The following CLASP2 variants were observed in gnomAD, a reference collection of about 807,000 sequenced individuals.
CLASP2 encodes CLIP-associating protein 2.
In CLASP2, 47 loss-of-function variants were observed where a neutral mutation model predicts 194.4. The ratio of observed to expected loss-of-function variants is 0.24; its 90% CI spans 0.19 to 0.31. The LOEUF (loss-of-function observed/expected upper bound fraction) is 0.31, where lower values mean the gene tolerates loss of function less well. CLASP2 is among the 10% of genes least tolerant of loss of function. CLASP2 has a pLI of 1.00. For synonymous variants in CLASP2, 619 were observed against 633.5 expected (o/e 0.98, Z 0.34); for missense variants, 1,445 against 1,823.6 (o/e 0.79, Z 3.78).
chr3:33,577,416 A>G (rs2065135846), intron 23 of CLASP2, among the ~76,000 whole-genome samples: 1 of 152,234 alleles, frequency 6.6e-6, no homozygotes, highest in Non-Finnish European at 1.5e-5. Context: ...ATGGAACATT[A>G]GCATTGCACC....
intron 36 of CLASP2, among the ~76,000 whole-genome samples, chr3:33,512,838 A>G (rs1410107542): frequency 6.6e-6 from 1 of 151,956 alleles, no homozygotes; most frequent in Non-Finnish European, 1.5e-5. Flanking sequence ...AAATAGAAAA[A>G]AATTAGCATG....
chr3:33,553,559 G>A (rs1391276440), intron 29 of CLASP2, among the ~76,000 whole-genome samples: 1 of 152,154 alleles, frequency 6.6e-6, no homozygotes, highest in East Asian at 1.9e-4. Context: ...ATAGACATTT[G>A]TCAAAGAAAG....
intron 6 of CLASP2, among the ~76,000 whole-genome samples, chr3:33,672,440 T>A (rs960464435): frequency 2.0e-5 from 3 of 152,100 alleles, no homozygotes; most frequent in African/African-American, 7.2e-5. Flanking sequence ...CAAAAACCCA[T>A]CTGTACATCA....
intron 34 of CLASP2, among the ~76,000 whole-genome samples, chr3:33,529,982 C>G: frequency 2.4e-5 from 1 of 42,136 alleles, no homozygotes; most frequent in Non-Finnish European, 4.3e-5. Context: ...GAGACTCCGT[C>G]TCAAAAAAAA....
chr3:33,627,803 C>T (rs1449647496), intron 9 of CLASP2, among the ~76,000 whole-genome samples: 1 of 152,128 alleles, frequency 6.6e-6, no homozygotes, highest in Non-Finnish European at 1.5e-5. Context: ...TGAGGAAAGT[C>T]AAGCTTGAGC....
intron 32 of CLASP2, among the ~76,000 whole-genome samples, chr3:33,542,912 G>A (rs1317920491): frequency 6.6e-6 from 1 of 152,100 alleles, no homozygotes; most frequent in Non-Finnish European, 1.5e-5. Context: ...TAAAAAGGCT[G>A]TCAGGTTTTC....
chr3:33,501,878 G>A, intron 37 of CLASP2, 110 bp from the exon 38 acceptor site: 1 of 715,902 alleles, frequency 1.4e-6, no homozygotes, highest in Non-Finnish European at 2.4e-6. Context: ...GCATACTAAG[G>A]AGAGAAAAGT....
At chr3:33,500,618 G>A (rs556319541) in intron 38 of CLASP2, among the ~76,000 whole-genome samples, 56 of 152,118 alleles carry the variant, frequency 3.7e-4, no homozygotes, top group African/African-American at 1.3e-3. Flanking sequence ...TTTTTCTTAA[G>A]ATGAGATTTT....
chr3:33,616,891 T>C (rs1377256578), intron 12 of CLASP2, among the ~76,000 whole-genome samples: 2 of 151,476 alleles, frequency 1.3e-5, no homozygotes, highest in Non-Finnish European at 2.9e-5. Flanking sequence ...GCATGCACCA[T>C]CACGCCCAGC....
At chr3:33,507,875 C>A (rs1182512843) in intron 37 of CLASP2, among the ~76,000 whole-genome samples, 1 of 151,866 alleles carries the variant, frequency 6.6e-6, no homozygotes, top group Non-Finnish European at 1.5e-5. Flanking sequence ...CATTATATAC[C>A]CTGCCGCAAC....
Position 33,514,939 on chromosome 3 carries a change from C to T in CLASP2, c.4110+1084G>A, listed in dbSNP as rs183393658. Among the ~76,000 whole-genome samples, 128 of 152,066 alleles carry T rather than the reference C, an allele frequency of 8.4e-4. 1 individual carries two copies. Among genetic ancestry groups the T allele is most frequent in the African/African-American group, 2.8e-3 (118 of 41,478 alleles). Reference sequence around the variant, plus strand: ...TCCACAGCAACCTGGATGGAATTGGCGATCTTTTATTCTAAGTGAAGTAAC... The same window carrying T: ...TCCACAGCAACCTGGATGGAATTGGTGATCTTTTATTCTAAGTGAAGTAAC... On this transcript the variant is annotated intron_variant, in intron 36 of 38. Transcript: ENST00000682230.
At chr3:33,635,412 G>C (rs2079949842) in intron 8 of CLASP2, among the ~76,000 whole-genome samples, 1 of 152,222 alleles carries the variant, frequency 6.6e-6, no homozygotes, top group African/African-American at 2.4e-5. Context: ...TGTGGAACTT[G>C]TCAAGCGGAT....
intron 11 of CLASP2, among the ~76,000 whole-genome samples, chr3:33,620,220 T>C (rs1392220081): frequency 6.6e-6 from 1 of 152,206 alleles, no homozygotes; most frequent in Non-Finnish European, 1.5e-5. Context: ...TTTTTAGTCA[T>C]AAATACTCCC....
Position 33,684,343 on chromosome 3 carries a change from ATTTAGC to A in CLASP2, c.644+10_644+15del. The A allele has an allele frequency of 6.7e-7, 1 of 1,502,178 alleles. No homozygotes were observed. Among genetic ancestry groups the A allele is most frequent in the Admixed American group, 2.2e-5 (1 of 45,172 alleles). 93.1% of individuals were successfully genotyped at this position (1,502,178 alleles called of 1,614,324 possible). Reference sequence around the variant, plus strand: ...TGGTGAAAAAAAAAAAAAGAACCAAATTTAGCAAGACTTACCTAGCAGGGGGAATTC... The same window carrying A: ...TGGTGAAAAAAAAAAAAAGAACCAAAAAGACTTACCTAGCAGGGGGAATTC... On this transcript the variant is annotated intron_variant, in intron 6 of 38. Transcript: ENST00000682230.
intron 27 of CLASP2, 77 bp from the exon 28 acceptor site, chr3:33,561,048 C>T: frequency 7.9e-7 from 1 of 1,259,530 alleles, no homozygotes; most frequent in Non-Finnish European, 1.1e-6. Flanking sequence ...AAAGCGAATA[C>T]AGAAAGGAAC....
At chr3:33,584,169 T>G (rs747360744) in intron 22 of CLASP2, among the ~76,000 whole-genome samples, 3 of 152,140 alleles carry the variant, frequency 2.0e-5, no homozygotes, top group Non-Finnish European at 4.4e-5. Flanking sequence ...TGTGTATATA[T>G]GTGTATATGT....
rs982065337 is a variant in CLASP2, at chr3:33,599,099, G to C, written c.1925-2365C>G. Reference sequence around the variant, plus strand: ...ATCATCACTCTGCTAAGTAGTTGTTGTTGTCTTATTTATTTATTTATTTAT... The same window carrying C: ...ATCATCACTCTGCTAAGTAGTTGTTCTTGTCTTATTTATTTATTTATTTAT... On this transcript the variant is annotated intron_variant, in intron 18 of 38. Transcript: ENST00000682230. Among the ~76,000 whole-genome samples, 4 of 139,922 alleles carry C rather than the reference G, an allele frequency of 2.9e-5. No individual in the cohort carries two copies. In the South Asian group the frequency reaches 8.8e-4, roughly 31 times the overall value. The allele number at this position is 139,922 out of a possible 152,430, so 91.8% of individuals were successfully genotyped here.
intron 25 of CLASP2, among the ~76,000 whole-genome samples, chr3:33,571,785 A>G (rs1413072035): frequency 6.6e-6 from 1 of 152,176 alleles, no homozygotes; most frequent in African/African-American, 2.4e-5. Flanking sequence ...CCTGGGTGAC[A>G]AAGCGAGATC....
intron 37 of CLASP2, chr3:33,501,978 C>A: frequency 2.2e-6 from 1 of 464,202 alleles, no homozygotes. Flanking sequence ...ACTGTTAGCC[C>A]TCTATATCAG....
Sources: gnomAD v4.1 joint callset for allele counts (sites outside exome capture counted in the v4.1 genomes callset) on GRCh38, gnomAD v4.1.1 for gene constraint, MANE v1.5 for transcripts, NCBI Gene and HGNC (gene_info 2026-07-23, HGNC 2026-07-21) for gene names.